DLG2: variants seen among roughly 807,000 people sequenced by gnomAD.
DLG2 encodes the protein discs large MAGUK scaffold protein 2, also known as disks large homolog 2.
A neutral mutation model predicts 132.5 loss-of-function variants in DLG2; 45 were observed. The observed-to-expected ratio is 0.34, with a 90% CI of 0.27 to 0.44. DLG2 has a LOEUF of 0.44. Among genes scored for constraint, DLG2 ranks in the 20% least tolerant of loss-of-function variants. The pLI is 1.00. For missense variants in DLG2, 1,045 were observed against 1,196.9 expected (o/e 0.87, Z 1.87); for synonymous variants, 424 against 419.6 (o/e 1.01, Z -0.13).
intron 6 of DLG2, among the ~76,000 whole-genome samples, chr11:84,703,017 T>C: frequency 6.6e-6 from 1 of 151,696 alleles, no homozygotes; most frequent in Admixed American, 6.6e-5. Flanking sequence ...TGATATCACT[T>C]TGTCCTTATA....
intron 8 of DLG2, among the ~76,000 whole-genome samples, chr11:84,176,141 T>C (rs1247756475): frequency 6.6e-6 from 1 of 151,824 alleles, no homozygotes; most frequent in Non-Finnish European, 1.5e-5. Context: ...GGTTACCTGA[T>C]GGTTCACTTA....
chr11:84,498,338 G>A (rs1169727937), intron 7 of DLG2, among the ~76,000 whole-genome samples: 2 of 152,114 alleles, frequency 1.3e-5, no homozygotes, highest in Admixed American at 1.3e-4. Context: ...ACAGGGAGCT[G>A]ACTGGATGCC....
At chr11:85,080,082 A>C (rs925464088) in intron 6 of DLG2, among the ~76,000 whole-genome samples, 3 of 152,114 alleles carry the variant, frequency 2.0e-5, no homozygotes, top group Non-Finnish European at 4.4e-5. Flanking sequence ...CCTTGATTTG[A>C]AGAATTTCAA....
At chr11:83,913,366 T>A (rs917136474) in intron 15 of DLG2, among the ~76,000 whole-genome samples, 12 of 152,046 alleles carry the variant, frequency 7.9e-5, no homozygotes, top group East Asian at 1.9e-4. Flanking sequence ...TTAAATATAT[T>A]TTTTTTATTG....
chr11:85,295,479 A>G (rs2079157076), intron 3 of DLG2, among the ~76,000 whole-genome samples: 1 of 152,152 alleles, frequency 6.6e-6, no homozygotes, highest in South Asian at 2.1e-4. Flanking sequence ...TCATCTTATG[A>G]GACATGTAGG....
chr11:84,131,201 G>A (rs1397858139), intron 9 of DLG2, among the ~76,000 whole-genome samples: 2 of 151,952 alleles, frequency 1.3e-5, no homozygotes, highest in Non-Finnish European at 2.9e-5. Context: ...GGAAACATGA[G>A]CATGTTGAAG....
At chr11:84,727,777 C>T (rs546117755) in intron 6 of DLG2, among the ~76,000 whole-genome samples, 10 of 152,166 alleles carry the variant, frequency 6.6e-5, no homozygotes, top group South Asian at 4.2e-4. Context: ...TTTCCTTGAG[C>T]GGTGGTTTGT....
intron 17 of DLG2, among the ~76,000 whole-genome samples, chr11:83,811,595 A>C (rs2047310860): frequency 6.6e-6 from 1 of 152,168 alleles, no homozygotes; most frequent in Non-Finnish European, 1.5e-5. Context: ...GTTTTGATTA[A>C]GAAAAATAAT....
At chr11:84,526,572 G>C (rs1302226056) in intron 7 of DLG2, among the ~76,000 whole-genome samples, 7 of 152,090 alleles carry the variant, frequency 4.6e-5, no homozygotes, top group Non-Finnish European at 7.4e-5. Context: ...AAGATATTTT[G>C]AGAGACAGAG....
At chr11:83,754,674 C>A (rs1168604951) in intron 18 of DLG2, among the ~76,000 whole-genome samples, 1 of 151,178 alleles carries the variant, frequency 6.6e-6, no homozygotes, top group African/African-American at 2.5e-5. Context: ...AGGGTAAGAG[C>A]CTTACTTGTG....
intron 19 of DLG2, among the ~76,000 whole-genome samples, chr11:83,604,898 T>C (rs2059097734): frequency 6.6e-6 from 1 of 152,178 alleles, no homozygotes; most frequent in South Asian, 2.1e-4. Flanking sequence ...GAGGCTATTG[T>C]TTGGACTAAG....
chr11:85,548,954 C>T (rs1231319597), intron 3 of DLG2, among the ~76,000 whole-genome samples: 3 of 152,064 alleles, frequency 2.0e-5, no homozygotes, highest in Non-Finnish European at 4.4e-5. Context: ...CCAAGCCAAA[C>T]CACTTGGCTC....
chr11:84,375,065 G>A (rs897311184), intron 7 of DLG2, among the ~76,000 whole-genome samples: 3 of 152,030 alleles, frequency 2.0e-5, no homozygotes, highest in African/African-American at 7.3e-5. Context: ...TTACTACCTC[G>A]AGAAACTCTG....
chr11:83,525,950 C>G (rs907771134), intron 21 of DLG2, among the ~76,000 whole-genome samples: 3 of 148,274 alleles, frequency 2.0e-5, no homozygotes, highest in African/African-American at 7.5e-5. Context: ...GCTCTGCTAC[C>G]AGCTCTTTGT....
intron 6 of DLG2, among the ~76,000 whole-genome samples, chr11:85,061,222 G>T (rs2064097938): frequency 6.6e-6 from 1 of 151,630 alleles, no homozygotes; most frequent in South Asian, 2.1e-4. Flanking sequence ...AAGCTTTATA[G>T]TTTGATATAG....
intron 2 of DLG2, among the ~76,000 whole-genome samples, chr11:85,611,974 T>C (rs1375044103): frequency 6.9e-6 from 1 of 145,644 alleles, no homozygotes; most frequent in Non-Finnish European, 1.5e-5. Context: ...AAAAGAGAGA[T>C]AGGAAGTCAA....
In DLG2 at chr11:84,955,849, C is replaced by T. The variant is rs78735764; in HGVS notation, c.357+155812G>A. On this transcript the variant is annotated intron_variant, in intron 6 of 27. Coordinates refer to ENST00000376104, the MANE Select transcript of DLG2 (RefSeq NM_001142699.3). ...TGAGGAAATAACTTACAAATGGGTA[C>T]ATTATATCCATTAATTTATTTTTGG... 7 of 152,222 alleles carry T rather than the reference C, an allele frequency of 4.6e-5. No individual in the cohort carries two copies. In the East Asian group the frequency reaches 1.2e-3, roughly 25 times the overall value. The allele number at this position is 152,222 out of a possible 1,614,324, so 9.4% of individuals were successfully genotyped here. A position where few individuals can be genotyped will look rare whatever the true frequency, so the allele number is the denominator to read the frequency against.
intron 18 of DLG2, among the ~76,000 whole-genome samples, chr11:83,709,647 A>G (rs572485880): frequency 8.5e-5 from 13 of 152,160 alleles, no homozygotes; most frequent in Non-Finnish European, 1.6e-4. Context: ...TTTTGTTTTC[A>G]ACAAAGAACT....
At chr11:84,796,915 C>T (rs529924648) in intron 6 of DLG2, among the ~76,000 whole-genome samples, 1 of 151,696 alleles carries the variant, frequency 6.6e-6, no homozygotes, top group Non-Finnish European at 1.5e-5. Context: ...GGTGCAATTT[C>T]GGCTCACTGC....
Sources: allele counts gnomAD v4.1 joint callset (sites outside exome capture counted in the v4.1 genomes callset), GRCh38; gene constraint gnomAD v4.1.1; transcripts MANE v1.5; gene names NCBI Gene and HGNC (gene_info 2026-07-23, HGNC 2026-07-21).